LCT: variants seen among roughly 807,000 people sequenced by gnomAD.
LCT encodes lactase.
In LCT, 90 loss-of-function variants were observed where a neutral mutation model predicts 173.0. That is an observed-to-expected ratio of 0.52 (90% CI 0.44 to 0.62). LCT has a LOEUF of 0.62. Ranked by LOEUF, LCT falls within the 20% of genes least tolerant of loss-of-function variation. The pLI is 0.00. For synonymous variants in LCT, 853 were observed against 957.6 expected (o/e 0.89, Z 2.02); for missense variants, 1,864 against 2,431.4 (o/e 0.77, Z 4.91).
intron 5 of LCT, among the ~76,000 whole-genome samples, chr2:135,820,927 C>A (rs1439463430): frequency 6.6e-6 from 1 of 151,824 alleles, no homozygotes; most frequent in Admixed American, 6.6e-5. Flanking sequence ...ATCACCCAGG[C>A]TGGAGTGCAA....
In LCT at chr2:135,801,718, C is replaced by G. The variant is rs192734083; in HGVS notation, c.4664-909G>C. Among the ~76,000 whole-genome samples the G allele has an allele frequency of 6.2e-3, 946 of 151,614 alleles. 5 individuals carry two copies. Among genetic ancestry groups the G allele is most frequent in the Middle Eastern group, 0.01 (3 of 294 alleles). On this transcript the variant is annotated intron_variant, in intron 11 of 16. Transcript: ENST00000264162. ...CCTCCTGAGTAGCTGGGACTGCAGG[C>G]GCATGCCACCACATCTGGTTAATTT...
intron 3 of LCT, among the ~76,000 whole-genome samples, chr2:135,826,402 CA>C (rs373224567): frequency 0.27 from 27,468 of 103,594 alleles, 2,969 homozygotes; most frequent in Middle Eastern, 0.41. Flanking sequence ...GCTACAAATA[CA>C]AAAAAAAAAA....
intron 7 of LCT, among the ~76,000 whole-genome samples, chr2:135,811,766 T>C (rs60374504): frequency 0.051 from 7,487 of 148,114 alleles, 340 homozygotes; most frequent in African/African-American, 0.12. Flanking sequence ...GGGCAGAATG[T>C]AGAGGGAGGT....
intron 4 of LCT, chr2:135,822,434 G>A: frequency 3.4e-6 from 1 of 297,394 alleles, no homozygotes; most frequent in Non-Finnish European, 6.4e-6. Context: ...CCCAGGTGAT[G>A]CTAATGTTGA....
Position 135,824,711 on chromosome 2 carries a change from T to C in LCT, c.805-708A>G, listed in dbSNP as rs76671964. On this transcript the variant is annotated intron_variant, in intron 3 of 16. Transcript: ENST00000264162. ...TTAGAAATTTTCCAAAACAAAAAGTTACAGCAGCCCAGCGGGTGTGGTGGC... is the reference window on the plus strand; with the variant it reads ...TTAGAAATTTTCCAAAACAAAAAGTCACAGCAGCCCAGCGGGTGTGGTGGC... 5.3e-5 allele frequency among the ~76,000 whole-genome samples: 8 copies of C among 152,168 alleles called. No homozygotes were observed. The East Asian group carries it at 1.5e-3, about 29-fold the overall frequency.
At chr2:135,823,640 A>G (rs2105549055) in intron 4 of LCT, among the ~76,000 whole-genome samples, 1 of 152,330 alleles carries the variant, frequency 6.6e-6, no homozygotes, top group South Asian at 2.1e-4. Flanking sequence ...CTTACAACTC[A>G]CAGCTGAGGC....
At chr2:135,798,282 T>C (rs1575333260) in intron 12 of LCT, 144 bp from the exon 13 acceptor site, 1 of 696,458 alleles carries the variant, frequency 1.4e-6, no homozygotes, top group Non-Finnish European at 2.6e-6. Context: ...CTGTGGCTCC[T>C]GCCTGTTGCA....
chr2:135,817,260 G>T, intron 6 of LCT, 81 bp downstream of exon 6: 1 of 1,494,198 alleles, frequency 6.7e-7, no homozygotes, highest in East Asian at 2.3e-5. Flanking sequence ...CTTGCTGATG[G>T]AAGAAAACAG....
chr2:135,818,791 C>A (rs1051018165), intron 5 of LCT, among the ~76,000 whole-genome samples: 3 of 152,190 alleles, frequency 2.0e-5, no homozygotes, highest in African/African-American at 7.2e-5. Flanking sequence ...GAGCTGAGAT[C>A]ACGCCATTGC....
Position 135,808,813 on chromosome 2 carries a change from C to T in LCT, c.3534G>A (p.Leu1178=), listed in dbSNP as rs2077701460. The change falls in exon 8 of 17, where the codon CTG becomes CTA. Residue 1178 remains leucine (L), a synonymous_variant. Transcript: ENST00000264162. ...MKWKVGNRSE[L]QHLATSRLPS... is the part of the protein sequence containing the mutation. Reference sequence around the variant, plus strand: ...GCAGGCGGGAGGTGGCTAAGTGCTGCAGTTCACTCCTGTTCCCCACTTTCC... The same window carrying T: ...GCAGGCGGGAGGTGGCTAAGTGCTGTAGTTCACTCCTGTTCCCCACTTTCC... 6.2e-7 allele frequency: 1 copy of T among 1,613,806 alleles called. No individual in the cohort carries two copies.
intron 9 of LCT, among the ~76,000 whole-genome samples, chr2:135,805,353 G>A (rs2077662683): frequency 6.6e-6 from 1 of 152,012 alleles, no homozygotes; most frequent in Admixed American, 6.6e-5. Context: ...GCCTGCTCTG[G>A]CCCCTGCTCA....
At chr2:135,826,402 CAAAA>C (rs373224567) in intron 3 of LCT, among the ~76,000 whole-genome samples, 1 of 103,708 alleles carries the variant, frequency 9.6e-6, no homozygotes, top group African/African-American at 3.2e-5. Flanking sequence ...GCTACAAATA[CAAAA>C]AAAAAAAAAA....
intron 14 of LCT, among the ~76,000 whole-genome samples, chr2:135,792,400 T>TG (rs998324226): frequency 3.9e-5 from 6 of 152,148 alleles, no homozygotes; most frequent in Admixed American, 3.9e-4. Flanking sequence ...AGCAGAATCT[T>TG]GGGGGCAAAC....
intron 7 of LCT, 82 bp downstream of exon 7, chr2:135,812,229 T>A: frequency 2.5e-6 from 3 of 1,178,906 alleles, no homozygotes; most frequent in Non-Finnish European, 3.8e-6. Flanking sequence ...TAGGAGACTT[T>A]CTTTGTCTTA....
intron 6 of LCT, among the ~76,000 whole-genome samples, chr2:135,813,916 G>A (rs1258540911): frequency 6.6e-6 from 1 of 152,156 alleles, no homozygotes; most frequent in African/African-American, 2.4e-5. Flanking sequence ...GGGAAGTAGG[G>A]GCAAAAGGAG....
chr2:135,806,990 C>G, intron 9 of LCT, 138 bp downstream of exon 9: 1 of 988,478 alleles, frequency 1.0e-6, no homozygotes, highest in Non-Finnish European at 1.5e-6. Context: ...GGAAGAGGAC[C>G]TCCCAGACCC....
chr2:135,789,216 A>G (rs2077515533), intron 16 of LCT, among the ~76,000 whole-genome samples: 1 of 152,244 alleles, frequency 6.6e-6, no homozygotes. Context: ...CACATGGTGC[A>G]GGCATTGTAC....
intron 14 of LCT, among the ~76,000 whole-genome samples, chr2:135,791,453 C>T (rs2077532538): frequency 6.6e-6 from 1 of 152,216 alleles, no homozygotes. Context: ...ACAGCTCCTG[C>T]CACAGGGGTG....
intron 12 of LCT, among the ~76,000 whole-genome samples, chr2:135,799,332 C>T (rs2077606933): frequency 6.6e-6 from 1 of 152,086 alleles, no homozygotes; most frequent in Admixed American, 6.5e-5. Flanking sequence ...CTTCCTGATG[C>T]AAAATGTAGG....
Sources: allele counts gnomAD v4.1 joint callset (sites outside exome capture counted in the v4.1 genomes callset), GRCh38; gene constraint gnomAD v4.1.1; transcripts MANE v1.5; gene names NCBI Gene and HGNC (gene_info 2026-07-23, HGNC 2026-07-21).